VWA3A: variants seen among roughly 807,000 people sequenced by gnomAD.
VWA3A encodes von Willebrand factor A domain containing 3A.
VWA3A carries 134 observed loss-of-function variants against 160.4 expected under a neutral mutation model. That is an observed-to-expected ratio of 0.84 (90% CI 0.73 to 0.96). The LOEUF is 0.96. Ranked by LOEUF, VWA3A falls within the 40% of genes least tolerant of loss-of-function variation. The pLI, the probability that VWA3A is intolerant of heterozygous loss-of-function variation, is 0.00. For synonymous variants in VWA3A, 476 were observed against 543.4 expected, an observed-to-expected ratio of 0.88 and a Z score of 1.72; for missense variants, 1,310 against 1,447.9, an observed-to-expected ratio of 0.90 and a Z score of 1.55.
chr16:22,136,891 ACACG>A (rs796823028), intron 21 of VWA3A, among the ~76,000 whole-genome samples: 11,092 of 120,850 alleles, frequency 0.092, 544 homozygotes, highest in South Asian at 0.2. Flanking sequence ...ACACACACAC[ACACG>A]CACACACACA....
At chr16:22,140,971 T>C (rs2046136454) in intron 23 of VWA3A, among the ~76,000 whole-genome samples, 1 of 152,164 alleles carries the variant, frequency 6.6e-6, no homozygotes, top group Non-Finnish European at 1.5e-5. Flanking sequence ...CGATCAATGA[T>C]CCTGAGTCTT....
chr16:22,115,925 A>AAGGAAG (rs1567203063), intron 9 of VWA3A, among the ~76,000 whole-genome samples: 210 of 18,454 alleles, frequency 0.011, 30 homozygotes, highest in African/African-American at 0.025. Flanking sequence ...AAGGAAGGAA[A>AAGGAAG]GGAAAGGAAA....
chr16:22,141,671 A>C lies in VWA3A; in HGVS notation c.2473A>C (p.Thr825Pro). 1 of 1,610,570 alleles carries C rather than the reference A, an allele frequency of 6.2e-7. No homozygotes were observed. The change falls in exon 24 of 34, where the codon ACA becomes CCA. Residue 825 changes from threonine (T) to proline (P), a missense_variant. Physicochemically the swap from Thr to Pro is conservative, Grantham distance 38. Coordinates refer to ENST00000389398, the MANE Select transcript of VWA3A (RefSeq NM_173615.5). ...EAETSLLLFY[T>P]EKGNDVGSVY... Reference sequence around the variant, plus strand: ...AGAGACATCTCTTTTACTGTTCTACACAGAGAAAGGGAATGACGTGGGTAA... The same window carrying C: ...AGAGACATCTCTTTTACTGTTCTACCCAGAGAAAGGGAATGACGTGGGTAA...
chr16:22,092,547 C>A lies in VWA3A; in HGVS notation c.-91C>A. 2 of 1,509,030 alleles carry A rather than the reference C, an allele frequency of 1.3e-6. No homozygotes were observed. The highest frequency in any genetic ancestry group is 9.0e-7 in the Non-Finnish European group (1 of 1,115,476). The allele number at this position is 1,509,030 out of a possible 1,614,324, so 93.5% of individuals were successfully genotyped here. A position where few individuals can be genotyped will look rare whatever the true frequency, so the allele number is the denominator to read the frequency against. On this transcript the variant is annotated 5_prime_UTR_variant, in exon 1 of 34. Transcript: ENST00000389398. ...CAGGGCAAGCTTCGCTGCTGAGTTG[C>A]TTGGAGGAGCTTGGAGAAACCAGAA...
chr16:22,105,547 T>G (rs576066676), intron 6 of VWA3A, among the ~76,000 whole-genome samples: 2 of 152,270 alleles, frequency 1.3e-5, no homozygotes, highest in Non-Finnish European at 2.9e-5. Context: ...AGCCATTCTG[T>G]TTAGGCTCCC....
chr16:22,136,979 C>G (rs1232173042), intron 21 of VWA3A, among the ~76,000 whole-genome samples: 5 of 151,934 alleles, frequency 3.3e-5, no homozygotes, highest in African/African-American at 1.2e-4. Flanking sequence ...GAGGCTGAGG[C>G]AGGAGAATCC....
intron 17 of VWA3A, among the ~76,000 whole-genome samples, chr16:22,129,388 C>CAAAA (rs1193879527): frequency 1.1e-4 from 11 of 99,250 alleles, no homozygotes; most frequent in Admixed American, 3.2e-4. Flanking sequence ...GACTCCATCT[C>CAAAA]AAAAAAAAAA....
chr16:22,146,509 G>A (rs535694079), intron 27 of VWA3A, among the ~76,000 whole-genome samples, 165 bp downstream of exon 27: 11 of 152,206 alleles, frequency 7.2e-5, no homozygotes, highest in South Asian at 2.1e-4. Flanking sequence ...CTGGGAGGCC[G>A]GGCGTGGTGG....
At chr16:22,119,402 G>A (rs1488144782) in intron 12 of VWA3A, among the ~76,000 whole-genome samples, 2 of 152,204 alleles carry the variant, frequency 1.3e-5, no homozygotes, top group Non-Finnish European at 2.9e-5. Flanking sequence ...CCTCAGCCAT[G>A]GCTTACACCT....
chr16:22,155,965 C>A, intron 33 of VWA3A, 49 bp downstream of exon 33: 1 of 1,569,876 alleles, frequency 6.4e-7, no homozygotes, highest in South Asian at 1.1e-5. Context: ...CACTAAGCAC[C>A]AAGTGGCATG....
intron 13 of VWA3A, 32 bp downstream of exon 13, chr16:22,121,135 A>C: frequency 1.2e-6 from 2 of 1,613,584 alleles, no homozygotes; most frequent in East Asian, 4.5e-5. Context: ...AACCCAGGAA[A>C]CAGGTGACTG....
At chr16:22,140,291 C>A (rs372220698) in intron 23 of VWA3A, 47 bp downstream of exon 23, 13 of 1,569,906 alleles carry the variant, frequency 8.3e-6, no homozygotes, top group African/African-American at 1.4e-5. Flanking sequence ...GTCACGGTCA[C>A]GGCTGAGGCA....
chr16:22,093,900 G>A (rs987388438), intron 1 of VWA3A, among the ~76,000 whole-genome samples: 4 of 151,674 alleles, frequency 2.6e-5, no homozygotes, highest in Non-Finnish European at 2.9e-5. Context: ...TAGTAGCTGG[G>A]ACTACAGGTG....
intron 26 of VWA3A, 34 bp from the exon 27 acceptor site, chr16:22,146,202 G>A: frequency 6.5e-7 from 1 of 1,529,614 alleles, no homozygotes; most frequent in East Asian, 2.3e-5. Flanking sequence ...ATGACTGATG[G>A]GGTGGGTGCT....
rs139638411 is a variant in VWA3A, at chr16:22,130,960, C to T, written c.1653-245C>T. 3.2e-3 allele frequency among the ~76,000 whole-genome samples: 481 copies of T among 152,208 alleles called. 2 individuals carry two copies. Among genetic ancestry groups the T allele is most frequent in the African/African-American group, 0.01 (423 of 41,548 alleles). On this transcript the variant is annotated intron_variant, in intron 17 of 33. Coordinates refer to ENST00000389398, the MANE Select transcript of VWA3A (RefSeq NM_173615.5). The stretch of plus-strand genomic sequence containing the variant: ...AGGGGAGGTTAAAGAGGGGGCCACA[C>T]GCCATAGCTCAATGCTTCAGAAAGG...
intron 7 of VWA3A, 104 bp downstream of exon 7, chr16:22,109,684 G>T: frequency 2.1e-6 from 2 of 947,920 alleles, no homozygotes; most frequent in Admixed American, 2.0e-5. Flanking sequence ...GCAAGATAGG[G>T]TGTCTTATAA....
rs555130798 is a variant in VWA3A at position 22,092,678 on chromosome 16, C to T, written c.14+27C>T. 3,262 of 1,550,400 alleles carry T rather than the reference C, an allele frequency of 2.1e-3. 85 individuals carry two copies. In the South Asian group the frequency reaches 0.037, roughly 18 times the overall value. On this transcript the variant is annotated intron_variant, in intron 1 of 33. Coordinates refer to ENST00000389398, the MANE Select transcript of VWA3A (RefSeq NM_173615.5). ...TGAGGGTGAGCATCACAAGGGTTGA[C>T]AGGGGTGGTGAGAGGGTGTCGGGGA...
chr16:22,137,884 A>G (rs1444346659), intron 21 of VWA3A, among the ~76,000 whole-genome samples: 2 of 152,206 alleles, frequency 1.3e-5, no homozygotes, highest in Non-Finnish European at 2.9e-5. Flanking sequence ...AATCCTATCT[A>G]GAGGAACAAC....
At chr16:22,151,702 T>A (rs1401603581) in intron 30 of VWA3A, among the ~76,000 whole-genome samples, 1 of 151,086 alleles carries the variant, frequency 6.6e-6, no homozygotes, top group Non-Finnish European at 1.5e-5. Flanking sequence ...CAAGATTCCA[T>A]CTCTACAAAA....
Sources: gnomAD v4.1 joint callset for allele counts (sites outside exome capture counted in the v4.1 genomes callset) on GRCh38, gnomAD v4.1.1 for gene constraint, MANE v1.5 for transcripts, NCBI Gene and HGNC (gene_info 2026-07-23, HGNC 2026-07-21) for gene names.